The following NPIPB5 variants were observed in gnomAD, a reference collection of about 807,000 sequenced individuals.
The protein encoded by NPIPB5 is nuclear pore complex-interacting protein family member B5.
For missense variants in NPIPB5, 10 were observed against 414.7 expected (o/e 0.02, Z 8.48); for synonymous variants, 1 against 168.2 (o/e 0.01, Z 7.69).
chr16:22,518,215 T>C (rs2049807420), intron 1 of NPIPB5, among the ~76,000 whole-genome samples: 1 of 37,834 alleles, frequency 2.6e-5, no homozygotes, highest in Non-Finnish European at 5.8e-5. Flanking sequence ...ACCCAGCCCC[T>C]GTTTTGTTTT....
exon 7 of NPIPB5, chr16:22,533,666 TGCCCTACTG>T: frequency 2.4e-6 from 1 of 412,140 alleles, no homozygotes; most frequent in Non-Finnish European, 4.1e-6. Flanking sequence ...TCTTCAGGAT[TGCCCTACTG>T]GCCCTACCTC....
intron 1 of NPIPB5, among the ~76,000 whole-genome samples, chr16:22,517,939 A>G (rs1377149409): frequency 7.2e-6 from 1 of 138,394 alleles, no homozygotes; most frequent in African/African-American, 2.6e-5. Flanking sequence ...TTTTTGAGAC[A>G]GAGTCTCGCT....
intron 4 of NPIPB5, among the ~76,000 whole-genome samples, chr16:22,528,807 GA>G (rs1567383756): frequency 7.1e-6 from 1 of 141,276 alleles, no homozygotes; most frequent in Non-Finnish European, 1.5e-5. Context: ...AGGTTCAAGC[GA>G]TTCTTATCCC....
chr16:22,529,367 G>A (rs1305688637), intron 4 of NPIPB5, among the ~76,000 whole-genome samples: 1 of 150,592 alleles, frequency 6.6e-6, no homozygotes, highest in African/African-American at 2.4e-5. Context: ...GAAGTCGTCG[G>A]TGCAGGCTCA....
upstream of NPIPB5, among the ~76,000 whole-genome samples, chr16:22,510,873 C>CT (rs1242316936): frequency 1.9e-3 from 83 of 43,610 alleles, no homozygotes; most frequent in East Asian, 2.3e-3. Flanking sequence ...GAAATAATAA[C>CT]TTTTTTTTTT....
exon 4 of NPIPB5, chr16:22,527,826 G>A (rs1486639860): frequency 2.2e-4 from 15 of 69,200 alleles, no homozygotes; most frequent in South Asian, 9.7e-4. Context: ...TCTTCCTTTC[G>A]AGGAAATAAA....
intron 4 of NPIPB5, among the ~76,000 whole-genome samples, chr16:22,528,724 G>A (rs1054006988): frequency 9.8e-5 from 1 of 10,198 alleles, no homozygotes; most frequent in Non-Finnish European, 2.7e-4. Context: ...TTTTTTTTGA[G>A]ACAGAGTCTC....
upstream of NPIPB5, among the ~76,000 whole-genome samples, chr16:22,510,854 C>G (rs1319732159): frequency 1.4e-5 from 1 of 69,060 alleles, no homozygotes; most frequent in Non-Finnish European, 2.3e-5. Context: ...AAATTTCATA[C>G]AATCTTCAGA....
At chr16:22,514,897 C>CAT (rs1311970637) in intron 1 of NPIPB5, among the ~76,000 whole-genome samples, 1 of 42,140 alleles carries the variant, frequency 2.4e-5, no homozygotes, top group Non-Finnish European at 3.8e-5. Context: ...CACACACACA[C>CAT]ACATATTTTT....
chr16:22,528,696 T>G (rs1233366804), intron 4 of NPIPB5, among the ~76,000 whole-genome samples: 7 of 117,206 alleles, frequency 6.0e-5, no homozygotes, highest in African/African-American at 2.4e-4. Flanking sequence ...TGACCAATTT[T>G]TTTTTTTTTT....
At chr16:22,517,834 C>G (rs1478807601) in intron 1 of NPIPB5, among the ~76,000 whole-genome samples, 9 of 116,460 alleles carry the variant, frequency 7.7e-5, no homozygotes, top group African/African-American at 2.8e-4. Flanking sequence ...CCACCATGCC[C>G]AGCCAAATCT....
At chr16:22,510,477 A>T (rs1432758931), upstream of NPIPB5, among the ~76,000 whole-genome samples, 3 of 13,234 alleles carry the variant, frequency 2.3e-4, no homozygotes, top group African/African-American at 1.9e-3. Flanking sequence ...ACAAAAAATT[A>T]GCTGGATGTG....
At chr16:22,518,070 C>T (rs2049805003) in intron 1 of NPIPB5, among the ~76,000 whole-genome samples, 1 of 45,320 alleles carries the variant, frequency 2.2e-5, no homozygotes, top group South Asian at 1.3e-3. Flanking sequence ...CGCCCACCAC[C>T]ACACCCGGCT....
At chr16:22,528,691 A>ATTTT in intron 4 of NPIPB5, among the ~76,000 whole-genome samples, 1 of 25,348 alleles carries the variant, frequency 3.9e-5, no homozygotes, top group Non-Finnish European at 8.1e-5. Context: ...ACATTTGACC[A>ATTTT]ATTTTTTTTT....
At chr16:22,527,817 C>T (rs1214647518) in exon 4 of NPIPB5, 1 of 70,338 alleles carries the variant, frequency 1.4e-5, no homozygotes, top group Admixed American at 2.8e-4. Flanking sequence ...AAAAGAGTTT[C>T]TTCCTTTCGA....
intron 4 of NPIPB5, among the ~76,000 whole-genome samples, chr16:22,528,744 C>A (rs1401268818): frequency 7.3e-6 from 1 of 136,486 alleles, no homozygotes; most frequent in Non-Finnish European, 1.5e-5. Flanking sequence ...CACTCTGTCA[C>A]CCAGGCTAGA....
Position 22,534,595 on chromosome 16 carries a change from CGGGGG to C in NPIPB5, c.1613_1617del (p.Arg538ProfsTer8), listed in dbSNP as rs2049896875. 6.2e-7 allele frequency: 1 copy of C among 1,607,346 alleles called. No homozygotes were observed. The highest frequency in any genetic ancestry group is 2.3e-5 in the East Asian group (1 of 44,376). On this transcript the variant is annotated frameshift_variant, in exon 7 of 7. Transcript: ENST00000424340. LOFTEE classifies it high-confidence loss of function. The stretch of plus-strand genomic sequence containing the variant: ...TATCAAGACACCTGCCGAGCGTCTG[CGGGGG>C]CCGCTTCCACCCTCAGCGGATGATA...
intron 4 of NPIPB5, among the ~76,000 whole-genome samples, chr16:22,528,692 A>AATTTT (rs2049839310): frequency 4.1e-5 from 2 of 49,192 alleles, no homozygotes; most frequent in Non-Finnish European, 6.4e-5. Context: ...CATTTGACCA[A>AATTTT]TTTTTTTTTT....
chr16:22,514,891 C>CAT lies in NPIPB5; in HGVS notation c.120+971_120+972insTA, dbSNP rs1490577312. 7.8e-4 allele frequency among the ~76,000 whole-genome samples: 34 copies of CAT among 43,830 alleles called. 6 individuals are homozygous for CAT. The African/African-American group carries it at 7.9e-3, about 10-fold the overall frequency. 28.8% of individuals were successfully genotyped at this position (43,830 alleles called of 152,430 possible). A position where few individuals can be genotyped will look rare whatever the true frequency, so the allele number is the denominator to read the frequency against. ...ACACACACACACACACACACACACA[C>CAT]ACACACACATATTTTTTGAGACAGA... On this transcript the variant is annotated intron_variant, in intron 1 of 6. Transcript: ENST00000424340.
Sources: allele counts gnomAD v4.1 joint callset (sites outside exome capture counted in the v4.1 genomes callset), GRCh38; gene constraint gnomAD v4.1.1; transcripts MANE v1.5; gene names NCBI Gene and HGNC (gene_info 2026-07-23, HGNC 2026-07-21).